Variants in CDH23 observed in about 807,000 individuals in gnomAD.
CDH23 encodes cadherin related 23, also known as cadherin-23.
A neutral mutation model predicts 317.1 loss-of-function variants in CDH23; 189 were observed. That is an observed-to-expected ratio of 0.60 (90% CI 0.53 to 0.67). The LOEUF is 0.67. Ranked by LOEUF, CDH23 falls within the 30% of genes least tolerant of loss-of-function variation. CDH23 has a pLI of 0.00. For missense variants in CDH23, 4,401 were observed against 4,592.4 expected (o/e 0.96, Z 1.20); for synonymous variants, 1,839 against 1,876.8 (o/e 0.98, Z 0.52).
chr10:71,591,272 G>A (rs1859475882), intron 9 of CDH23, among the ~76,000 whole-genome samples: 2 of 152,184 alleles, frequency 1.3e-5, no homozygotes, highest in East Asian at 3.8e-4. Context: ...GATTTTAAGT[G>A]GTGCATGGAT....
At chr10:71,420,445 T>TAATGGTGATGATGATG (rs1848717485) in intron 1 of CDH23, among the ~76,000 whole-genome samples, 1 of 26,692 alleles carries the variant, frequency 3.7e-5, no homozygotes, top group Non-Finnish European at 7.0e-5. Context: ...TGATGGTCAT[T>TAATGGTGATGATGATG]ATGATGGTGA....
chr10:71,658,167 C>T (rs1486015777), intron 14 of CDH23, among the ~76,000 whole-genome samples: 3 of 152,162 alleles, frequency 2.0e-5, no homozygotes, highest in Admixed American at 6.5e-5. Flanking sequence ...CAGCGCCCCT[C>T]GCCTGTGTTT....
rs554760500 is a variant in CDH23, at chr10:71,463,945, A to G, written c.145+17550A>G. Among the ~76,000 whole-genome samples, 3 of 152,338 alleles carry G rather than the reference A, an allele frequency of 2.0e-5. No homozygotes were observed. In the South Asian group the frequency reaches 6.2e-4, roughly 32 times the overall value. ...GTCCCCATTAGAATATTTTCACTAA[A>G]TCAACACCTATAGGACTTGCTCTCC... is the stretch of plus-strand genomic sequence containing the variant. On this transcript the variant is annotated intron_variant, in intron 3 of 69. Coordinates refer to ENST00000224721, the MANE Select transcript of CDH23 (RefSeq NM_022124.6).
At chr10:71,698,106 A>G (rs1865460468) in intron 22 of CDH23, among the ~76,000 whole-genome samples, 1 of 152,222 alleles carries the variant, frequency 6.6e-6, no homozygotes, top group Admixed American at 6.5e-5. Context: ...ATTGGAGGTT[A>G]GATTTTTCTA....
chr10:71,518,425 G>A (rs1452642499), intron 6 of CDH23, among the ~76,000 whole-genome samples: 2 of 152,226 alleles, frequency 1.3e-5, no homozygotes, highest in East Asian at 3.8e-4. Flanking sequence ...TGGGGTAAGC[G>A]ACAGGGAACT....
At chr10:71,661,088 C>T (rs765517654) in intron 14 of CDH23, among the ~76,000 whole-genome samples, 31 of 152,168 alleles carry the variant, frequency 2.0e-4, no homozygotes, top group Non-Finnish European at 1.5e-4. Flanking sequence ...AACGGAGGCA[C>T]GAACCTCCTT....
intron 1 of CDH23, among the ~76,000 whole-genome samples, chr10:71,434,192 C>A (rs951935366): frequency 6.6e-6 from 1 of 152,206 alleles, no homozygotes; most frequent in African/African-American, 2.4e-5. Context: ...CACTCTCCTG[C>A]GAGTGCATGC....
At position 71,812,564 on chromosome 10, in the gene CDH23, C is replaced by T. The variant is rs1841974909; in HGVS notation, c.9465C>T (p.Asn3155=). 1 of 1,613,376 alleles carries T rather than the reference C, an allele frequency of 6.2e-7. No individual in the cohort carries two copies. Among genetic ancestry groups the T allele is most frequent in the African/African-American group, 1.3e-5 (1 of 74,926 alleles). ...QAEHEDDLPE[N]LSEIADLWNS... ...AGCATGAGGATGACCTACCGGAGAA[C>T]CTGAGTGAGATCGCCGACCTGTGGA... The change falls in exon 67 of 70, where the codon AAC becomes AAT. Residue 3155 remains asparagine (N), a synonymous_variant. Coordinates refer to ENST00000224721, the MANE Select transcript of CDH23 (RefSeq NM_022124.6).
chr10:71,677,428 T>C, intron 15 of CDH23, 28 bp from the exon 16 acceptor site: 1 of 1,564,496 alleles, frequency 6.4e-7, no homozygotes, highest in Non-Finnish European at 8.7e-7. Context: ...ACGGTGTTCC[T>C]TCTCTCCATC....
intron 3 of CDH23, among the ~76,000 whole-genome samples, chr10:71,492,783 C>T (rs944523891): frequency 6.6e-6 from 1 of 152,206 alleles, no homozygotes; most frequent in African/African-American, 2.4e-5. Context: ...TCCAGAGGAT[C>T]GAAGGCCAGT....
intron 6 of CDH23, among the ~76,000 whole-genome samples, chr10:71,537,052 C>T (rs1408443242): frequency 6.6e-6 from 1 of 152,120 alleles, no homozygotes; most frequent in African/African-American, 2.4e-5. Flanking sequence ...AGGACTGCCA[C>T]AGGAGCTGGC....
intron 11 of CDH23, among the ~76,000 whole-genome samples, chr10:71,632,538 T>A (rs754313893): frequency 6.6e-6 from 1 of 151,656 alleles, no homozygotes; most frequent in African/African-American, 2.4e-5. Context: ...AGATGTGGGG[T>A]CTATAGGAAA....
intron 9 of CDH23, among the ~76,000 whole-genome samples, chr10:71,584,473 G>A (rs565342753): frequency 6.6e-6 from 1 of 152,062 alleles, no homozygotes; most frequent in Admixed American, 6.5e-5. Flanking sequence ...ACCCAAGTGA[G>A]GAGGTACATT....
chr10:71,706,918 C>T lies in CDH23; in HGVS notation c.2975C>T (p.Thr992Met), dbSNP rs765270590. The T allele has an allele frequency of 2.2e-5, 35 of 1,603,884 alleles. No homozygotes were observed. Among genetic ancestry groups the T allele is most frequent in the Admixed American group, 6.8e-5 (4 of 58,738 alleles). Reference protein sequence around the residue: ...TIHVLDVNDETPTFFPAVYNV... With the variant: ...TIHVLDVNDEMPTFFPAVYNV... ...GCAGTGCTGGATGTGAACGACGAGA[C>T]GCCCACCTTCTTCCCGGCCGTGTAC... The change falls in exon 26 of 70, where the codon ACG becomes ATG. Residue 992 changes from threonine (T) to methionine (M), a missense_variant. Thr to Met is a moderately conservative substitution (Grantham distance 81, BLOSUM62 -1). Coordinates refer to ENST00000224721, the MANE Select transcript of CDH23 (RefSeq NM_022124.6).
chr10:71,493,845 C>A (rs1852804157), intron 3 of CDH23, among the ~76,000 whole-genome samples: 1 of 151,976 alleles, frequency 6.6e-6, no homozygotes, highest in Admixed American at 6.6e-5. Context: ...ACACAAAATC[C>A]TTTTTTTTAA....
At chr10:71,694,931 C>T (rs897332590) in intron 21 of CDH23, among the ~76,000 whole-genome samples, 1 of 152,302 alleles carries the variant, frequency 6.6e-6, no homozygotes, top group South Asian at 2.1e-4. Context: ...GAGACGGTAT[C>T]GCGTGGCCAG....
intron 38 of CDH23, among the ~76,000 whole-genome samples, chr10:71,760,238 CATATATATGTATGTATATATATGTATAT>C (rs1564780282): frequency 0.023 from 490 of 20,898 alleles, 13 homozygotes; most frequent in Non-Finnish European, 0.031. Flanking sequence ...TATGTATATA[CATATATATGTATGTATATATATGTATAT>C]ACATATATAT....
At chr10:71,802,621 C>T (rs958281478) in intron 53 of CDH23, among the ~76,000 whole-genome samples, 2 of 152,116 alleles carry the variant, frequency 1.3e-5, no homozygotes, top group African/African-American at 4.8e-5. Flanking sequence ...GCTTCAGGGC[C>T]CAGGTGCAGA....
intron 11 of CDH23, among the ~76,000 whole-genome samples, chr10:71,629,813 G>T (rs1242777075): frequency 6.6e-6 from 1 of 152,166 alleles, no homozygotes; most frequent in Non-Finnish European, 1.5e-5. Context: ...GTTGCCAAGG[G>T]TTGGGGGAGA....
Sources: gnomAD v4.1 joint callset for allele counts (sites outside exome capture counted in the v4.1 genomes callset) on GRCh38, gnomAD v4.1.1 for gene constraint, MANE v1.5 for transcripts, NCBI Gene and HGNC (gene_info 2026-07-23, HGNC 2026-07-21) for gene names.